The following ZNF570 variants were observed in gnomAD, a reference collection of about 807,000 sequenced individuals.
ZNF570 encodes the protein zinc finger protein 570.
Under a neutral mutation model 14.2 loss-of-function variants are expected in ZNF570, and 8 were observed. The ratio of observed to expected loss-of-function variants is 0.56; its 90% CI spans 0.33 to 1.02. The LOEUF is 1.02. Ranked by LOEUF, ZNF570 falls within the 50% of genes least tolerant of loss-of-function variation. ZNF570 has a pLI of 0.03. For synonymous variants in ZNF570, 202 were observed against 207.6 expected (o/e 0.97, Z 0.23); for missense variants, 559 against 624.9 (o/e 0.89, Z 1.12).
chr19:37,482,815 TTCTCTC>T (rs35690455), intron 4 of ZNF570, among the ~76,000 whole-genome samples: 45 of 141,672 alleles, frequency 3.2e-4, no homozygotes, highest in East Asian at 4.2e-4. Context: ...TTCCCCTGCT[TTCTCTC>T]TCTCTCTCTC....
chr19:37,476,230 C>T, intron 3 of ZNF570, 109 bp from the exon 4 acceptor site: 2 of 1,380,320 alleles, frequency 1.4e-6, no homozygotes, highest in Admixed American at 2.4e-5. Flanking sequence ...ACACATTTCT[C>T]TTTTTGCTTA....
rs2042173909 is a variant in ZNF570 at position 37,487,962 on chromosome 19, A to G, written c.*2729A>G. On this transcript the variant is annotated 3_prime_UTR_variant, in exon 5 of 5. Coordinates refer to ENST00000330173, the MANE Select transcript of ZNF570 (RefSeq NM_144694.5). Reference sequence around the variant, plus strand: ...TCAAAATCATCACATTGGCAAAAGCATTAGAGTGCCAATTACTGGAAAGAT... The same window carrying G: ...TCAAAATCATCACATTGGCAAAAGCGTTAGAGTGCCAATTACTGGAAAGAT... The G allele has an allele frequency of 6.6e-6, 1 of 152,250 alleles. No homozygotes were observed. Among genetic ancestry groups the G allele is most frequent in the Non-Finnish European group, 1.5e-5 (1 of 68,048 alleles). The allele number at this position is 152,250 out of a possible 1,614,324, so 9.4% of individuals were successfully genotyped here.
rs1156987197 is a variant in ZNF570 at position 37,484,618 on chromosome 19, T to C, written c.996T>C (p.Cys332=). The C allele has an allele frequency of 2.5e-6, 4 of 1,613,992 alleles. No homozygotes were observed. Among genetic ancestry groups the C allele is most frequent in the Non-Finnish European group, 3.4e-6 (4 of 1,179,944 alleles). Residue 332 remains cysteine, a synonymous_variant, in exon 5 of 5, where the codon TGT becomes TGC. Transcript: ENST00000330173. ...ACACGGGAGAGAAACCCTATGAATG[T>C]ATCGAATGTGGGAAAGCATTTAGCA... is the stretch of plus-strand genomic sequence containing the variant. ...RVHTGEKPYE[C]IECGKAFSNR...
chr19:37,473,027 TGTG>T (rs1487125155), intron 2 of ZNF570, among the ~76,000 whole-genome samples: 1 of 151,394 alleles, frequency 6.6e-6, no homozygotes, highest in Non-Finnish European at 1.5e-5. Flanking sequence ...GAAGTGTAGA[TGTG>T]GTGGGAGTTT....
chr19:37,476,107 T>C, intron 3 of ZNF570, 100 bp downstream of exon 3: 1 of 1,490,436 alleles, frequency 6.7e-7, no homozygotes, highest in South Asian at 1.4e-5. Context: ...TTTGGCTGAA[T>C]GTCTGCTGCC....
chr19:37,467,967 G>C, upstream of ZNF570: 1 of 1,535,378 alleles, frequency 6.5e-7, no homozygotes, highest in Non-Finnish European at 8.7e-7. Flanking sequence ...ACCCGGGATC[G>C]TGAGCGAAAA....
upstream of ZNF570, chr19:37,468,134 G>T: frequency 3.3e-6 from 2 of 610,674 alleles, no homozygotes; most frequent in South Asian, 2.0e-5. Context: ...GCCCAGGCTG[G>T]AGAGTGCAGC....
chr19:37,471,072 G>GGC (rs990517343), intron 2 of ZNF570, among the ~76,000 whole-genome samples: 1 of 139,310 alleles, frequency 7.2e-6, no homozygotes, highest in African/African-American at 2.8e-5. Flanking sequence ...GGAGTACAGT[G>GGC]GCACGATCTA....
chr19:37,468,004 T>G, upstream of ZNF570: 1 of 1,433,296 alleles, frequency 7.0e-7, no homozygotes, highest in Non-Finnish European at 9.5e-7. Context: ...GCCTGACTTC[T>G]AAACAGACTT....
intron 2 of ZNF570, among the ~76,000 whole-genome samples, chr19:37,471,018 T>TC (rs1825810678): frequency 1.5e-5 from 2 of 136,686 alleles, no homozygotes; most frequent in Non-Finnish European, 3.1e-5. Flanking sequence ...CATTTTTTTT[T>TC]TTTTTTTTTT....
At chr19:37,475,111 G>A (rs1568765407) in intron 2 of ZNF570, among the ~76,000 whole-genome samples, 1 of 151,888 alleles carries the variant, frequency 6.6e-6, no homozygotes, top group East Asian at 2.0e-4. Context: ...CTACAGGCAT[G>A]TGCCACCACA....
At chr19:37,468,948 A>T, upstream of ZNF570, 2 of 684,928 alleles carry the variant, frequency 2.9e-6, no homozygotes, top group Non-Finnish European at 3.6e-6. Context: ...CATTTTGAGT[A>T]GACGCGCCAC....
Position 37,486,340 on chromosome 19 carries a change from C to A in ZNF570, c.*1107C>A, listed in dbSNP as rs2042155058. ...TTGCTTATCTAAACCTCAGGGTTTTCTTTAAATCTTAAAATAGGAATAATA... is the reference window on the plus strand; with the variant it reads ...TTGCTTATCTAAACCTCAGGGTTTTATTTAAATCTTAAAATAGGAATAATA... On this transcript the variant is annotated 3_prime_UTR_variant, in exon 5 of 5. Transcript: ENST00000330173. 6.6e-6 allele frequency: 1 copy of A among 152,024 alleles called. No homozygotes were observed. Among genetic ancestry groups the A allele is most frequent in the African/African-American group, 2.4e-5 (1 of 41,392 alleles). 9.4% of individuals were successfully genotyped at this position (152,024 alleles called of 1,614,324 possible).
At chr19:37,476,740 C>A (rs560314429) in intron 4 of ZNF570, among the ~76,000 whole-genome samples, 3 of 125,984 alleles carry the variant, frequency 2.4e-5, no homozygotes, top group East Asian at 2.4e-4. Context: ...GACAGAGTCT[C>A]GCTCTGTCAC....
chr19:37,479,955 G>T (rs918490536), intron 4 of ZNF570, among the ~76,000 whole-genome samples: 3 of 152,024 alleles, frequency 2.0e-5, no homozygotes, highest in African/African-American at 7.2e-5. Context: ...GATGGTGGTG[G>T]TCAGTTAAAT....
intron 3 of ZNF570, 148 bp downstream of exon 3, chr19:37,476,155 A>T: frequency 1.5e-6 from 2 of 1,355,340 alleles, no homozygotes; most frequent in East Asian, 2.5e-5. Flanking sequence ...TGGATTTGGC[A>T]GTGAACATAT....
At position 37,484,090 on chromosome 19, in the gene ZNF570, C is replaced by G. The variant is rs1271004671; in HGVS notation, c.468C>G (p.Pro156=). 1 of 1,613,990 alleles carries G rather than the reference C, an allele frequency of 6.2e-7. No homozygotes were observed. Among genetic ancestry groups the G allele is most frequent in the Admixed American group, 1.7e-5 (1 of 60,000 alleles). Residue 156 remains proline, a synonymous_variant, in exon 5 of 5, where the codon CCC becomes CCG. Transcript: ENST00000330173. The part of the protein sequence containing the change: ...FKEEIITHEE[P]LFDEREQEYK... ...AAGAGATAATCACTCATGAAGAACC[C>G]CTTTTTGATGAGAGAGAACAAGAAT...
chr19:37,484,678 T>G lies in ZNF570; in HGVS notation c.1056T>G (p.His352Gln). Residue 352 changes from histidine to glutamine, a missense_variant, in exon 5 of 5, where the codon CAT (histidine) becomes CAG (glutamine). Transcript: ENST00000330173. The part of the protein sequence containing the change: ...RSSIAQHQRV[H>Q]TGEKPYECNV... ...CCATTGCTCAACACCAGAGAGTTCA[T>G]ACAGGAGAGAAACCCTATGAATGTA... 6.2e-7 allele frequency: 1 copy of G among 1,614,026 alleles called. No individual in the cohort carries two copies. Among genetic ancestry groups the G allele is most frequent in the South Asian group, 1.1e-5 (1 of 91,078 alleles).
In ZNF570 at chr19:37,484,095, T is replaced by C; in HGVS notation, c.473T>C (p.Phe158Ser). Residue 158 changes from phenylalanine to serine, a missense_variant, in exon 5 of 5, where the codon TTT becomes TCT. Transcript: ENST00000330173. The part of the protein sequence containing the change: ...EEIITHEEPL[F>S]DEREQEYKSW... Reference sequence around the variant, plus strand: ...ATAATCACTCATGAAGAACCCCTTTTTGATGAGAGAGAACAAGAATATAAA... The same window carrying C: ...ATAATCACTCATGAAGAACCCCTTTCTGATGAGAGAGAACAAGAATATAAA... 3 of 1,614,090 alleles carry C rather than the reference T, an allele frequency of 1.9e-6. No homozygotes were observed. The highest frequency in any genetic ancestry group is 1.7e-6 in the Non-Finnish European group (2 of 1,180,006).
Sources: allele counts gnomAD v4.1 joint callset (sites outside exome capture counted in the v4.1 genomes callset), GRCh38; gene constraint gnomAD v4.1.1; transcripts MANE v1.5; gene names NCBI Gene and HGNC (gene_info 2026-07-23, HGNC 2026-07-21).